TMEM163: variants seen among roughly 807,000 people sequenced by gnomAD.
TMEM163 encodes the protein transmembrane protein 163.
A neutral mutation model predicts 29.3 loss-of-function variants in TMEM163; 17 were observed. That is an observed-to-expected ratio of 0.58 (90% CI 0.40 to 0.87). TMEM163 has a LOEUF of 0.87. TMEM163 is among the 40% of genes least tolerant of loss of function. TMEM163 has a pLI of 0.00. For missense variants in TMEM163, 303 were observed against 381.5 expected (o/e 0.79, Z 1.71); for synonymous variants, 157 against 160.6 (o/e 0.98, Z 0.17).
intron 4 of TMEM163, among the ~76,000 whole-genome samples, chr2:134,547,272 G>A (rs1025987689): frequency 6.6e-6 from 1 of 152,118 alleles, no homozygotes; most frequent in Admixed American, 6.5e-5. Context: ...GGCTAGGTAC[G>A]CTCTGGTGGT....
At chr2:134,713,408 A>G in intron 1 of TMEM163, 89 bp from the exon 2 acceptor site, 1 of 1,572,534 alleles carries the variant, frequency 6.4e-7, no homozygotes. Flanking sequence ...AAAGATTGCA[A>G]ACTAACAGCC....
At chr2:134,593,666 G>C (rs1339663528) in intron 2 of TMEM163, among the ~76,000 whole-genome samples, 2 of 152,094 alleles carry the variant, frequency 1.3e-5, no homozygotes, top group East Asian at 1.9e-4. Flanking sequence ...AAGGTAAGCC[G>C]AGTCTTGAAA....
chr2:134,589,055 A>G (rs2104800732), intron 2 of TMEM163, among the ~76,000 whole-genome samples: 1 of 152,352 alleles, frequency 6.6e-6, no homozygotes, highest in South Asian at 2.1e-4. Flanking sequence ...TCAAAGGCAG[A>G]GTATAACTAT....
At chr2:134,472,407 AGAAAT>A (rs1558914598) in intron 5 of TMEM163, among the ~76,000 whole-genome samples, 2 of 152,278 alleles carry the variant, frequency 1.3e-5, no homozygotes, top group African/African-American at 4.8e-5. Flanking sequence ...TGCTCATAAA[AGAAAT>A]GAAAGCCAAA....
chr2:134,570,745 G>A (rs535796821), intron 2 of TMEM163, among the ~76,000 whole-genome samples: 8 of 152,168 alleles, frequency 5.3e-5, no homozygotes, highest in Non-Finnish European at 8.8e-5. Flanking sequence ...TAAATGGTGC[G>A]ACAGAAAAGG....
intron 5 of TMEM163, among the ~76,000 whole-genome samples, chr2:134,491,879 C>T (rs1401018355): frequency 1.3e-5 from 2 of 152,210 alleles, no homozygotes; most frequent in Non-Finnish European, 2.9e-5. Context: ...ATCAGAGACT[C>T]TTGTACAGTC....
intron 6 of TMEM163, among the ~76,000 whole-genome samples, chr2:134,463,411 A>G (rs1351796992): frequency 6.6e-6 from 1 of 152,246 alleles, no homozygotes; most frequent in Non-Finnish European, 1.5e-5. Flanking sequence ...GCAGACTACA[A>G]AAATCCCAGT....
chr2:134,707,165 G>A (rs978655782), intron 2 of TMEM163, among the ~76,000 whole-genome samples: 8 of 152,316 alleles, frequency 5.3e-5, no homozygotes, highest in Admixed American at 3.9e-4. Flanking sequence ...GCAGCCGGAC[G>A]CTAGGCAGGA....
chr2:134,483,277 A>G (rs1679236655), intron 5 of TMEM163, among the ~76,000 whole-genome samples: 1 of 152,126 alleles, frequency 6.6e-6, no homozygotes, highest in South Asian at 2.1e-4. Context: ...GGCTGGGCTC[A>G]CACACCTCCC....
At chr2:134,593,081 T>C (rs377412603) in intron 2 of TMEM163, among the ~76,000 whole-genome samples, 1 of 152,158 alleles carries the variant, frequency 6.6e-6, no homozygotes, top group Non-Finnish European at 1.5e-5. Context: ...GATCAATACC[T>C]GGGTTATGTG....
At chr2:134,574,785 A>G (rs10928499) in intron 2 of TMEM163, among the ~76,000 whole-genome samples, 23,498 of 152,178 alleles carry the variant, frequency 0.15, 4,346 homozygotes, top group African/African-American at 0.44. Context: ...GCAGACTGCC[A>G]GATGGCTCGA....
intron 2 of TMEM163, among the ~76,000 whole-genome samples, chr2:134,663,831 T>C (rs900436995): frequency 2.0e-5 from 3 of 152,216 alleles, no homozygotes; most frequent in African/African-American, 7.2e-5. Flanking sequence ...CTGCCCTTTT[T>C]ACCACACCTG....
At chr2:134,579,165 A>G (rs1239291030) in intron 2 of TMEM163, among the ~76,000 whole-genome samples, 1 of 152,166 alleles carries the variant, frequency 6.6e-6, no homozygotes, top group Admixed American at 6.5e-5. Flanking sequence ...CCTCAATTCA[A>G]TCTAAGAAGA....
chr2:134,481,385 G>C (rs1042580474), intron 5 of TMEM163, among the ~76,000 whole-genome samples: 20 of 151,512 alleles, frequency 1.3e-4, no homozygotes, highest in African/African-American at 3.1e-4. Context: ...CATGGGGGGG[G>C]GGGGAGCTTT....
intron 4 of TMEM163, among the ~76,000 whole-genome samples, chr2:134,538,574 T>C (rs991467224): frequency 2.0e-5 from 3 of 152,130 alleles, no homozygotes; most frequent in Non-Finnish European, 4.4e-5. Flanking sequence ...CATCAACCGA[T>C]GAATGGATCA....
chr2:134,558,510 G>A (rs971234016), intron 2 of TMEM163, among the ~76,000 whole-genome samples: 2 of 152,188 alleles, frequency 1.3e-5, no homozygotes, highest in African/African-American at 4.8e-5. Context: ...AATTCAAATA[G>A]AAAGACAGCT....
In TMEM163 at chr2:134,697,449, T is replaced by C. The variant is rs147496681; in HGVS notation, c.322+15751A>G. 2.7e-3 allele frequency among the ~76,000 whole-genome samples: 413 copies of C among 151,168 alleles called. 1 individual carries two copies. The highest frequency in any genetic ancestry group is 9.6e-3 in the African/African-American group (393 of 40,960). On this transcript the variant is annotated intron_variant, in intron 2 of 7. Coordinates refer to ENST00000281924, the MANE Select transcript of TMEM163 (RefSeq NM_030923.5). The stretch of plus-strand genomic sequence containing the variant: ...ATGCTTTTTGTATTGAGAGATACTA[T>C]AGGTTTCTTCTCAATTTTTTTTTTT...
chr2:134,677,977 C>T (rs1378000514), intron 2 of TMEM163, among the ~76,000 whole-genome samples: 1 of 152,146 alleles, frequency 6.6e-6, no homozygotes, highest in Admixed American at 6.5e-5. Flanking sequence ...TAAGCCCACC[C>T]GCAGCCAAGC....
intron 4 of TMEM163, among the ~76,000 whole-genome samples, chr2:134,543,724 G>T (rs970553852): frequency 6.6e-6 from 1 of 152,208 alleles, no homozygotes; most frequent in African/African-American, 2.4e-5. Context: ...TTGACTGGTG[G>T]TTTTCAGGCC....
Sources: allele counts gnomAD v4.1 joint callset (sites outside exome capture counted in the v4.1 genomes callset), GRCh38; gene constraint gnomAD v4.1.1; transcripts MANE v1.5; gene names NCBI Gene and HGNC (gene_info 2026-07-23, HGNC 2026-07-21).